Variants in ZNF723 observed in about 807,000 individuals in gnomAD.
ZNF723 encodes zinc finger protein 723.
A neutral mutation model predicts 9.4 loss-of-function variants in ZNF723; 5 were observed. The observed-to-expected ratio is 0.53, with a 90% confidence interval of 0.28 to 1.12. The LOEUF is 1.12. Ranked by LOEUF, ZNF723 falls within the 50% of genes most tolerant of loss-of-function variation. ZNF723 has a pLI of 0.10. For synonymous variants in ZNF723, 158 were observed against 168.8 expected (o/e 0.94, Z 0.49); for missense variants, 450 against 501.5 (o/e 0.90, Z 0.98).
rs763392716 is a variant in ZNF723 at position 22,857,338 on chromosome 19, A to C, written c.447A>C (p.Lys149Asn). ...TTPSKIFQCD[K>N]YVKVFHKFSS... The stretch of plus-strand genomic sequence containing the variant: ...CGAGCAAAATATTTCAATGTGATAA[A>C]TATGTAAAAGTCTTTCATAAATTTT... The change falls in exon 4 of 4, where the codon AAA becomes AAC. Residue 149 changes from lysine (K) to asparagine (N), a missense_variant. Around this residue, in one of 5 missense-constraint regions of ZNF723, gnomAD observed 143 missense variants for 101.3 expected, o/e 1.41. Transcript: ENST00000600766. The C allele has an allele frequency of 8.8e-5, 72 of 822,304 alleles. No homozygotes were observed. Among genetic ancestry groups the C allele is most frequent in the Non-Finnish European group, 1.4e-4 (63 of 460,962 alleles). The allele number at this position is 822,304 out of a possible 1,614,324, so 50.9% of individuals were successfully genotyped here.
At chr19:22,835,949 G>A (rs1220748869) in intron 1 of ZNF723, among the ~76,000 whole-genome samples, 2 of 152,066 alleles carry the variant, frequency 1.3e-5, no homozygotes, top group African/African-American at 4.8e-5. Flanking sequence ...TAGATACTTT[G>A]GGTTTTCTTG....
Position 22,858,208 on chromosome 19 carries a change from C to G in ZNF723, c.1317C>G (p.Thr439=). Residue 439 remains threonine (T), a synonymous_variant, in exon 4 of 4, where the codon ACC becomes ACG. Transcript: ENST00000600766. The part of the protein sequence containing the change: ...QCGKGFSQSS[T]LTKHKIIHTK... ...GTAAAGGTTTTAGCCAATCCTCAAC[C>G]CTTACTAAACATAAGATAATTCATA... The G allele has an allele frequency of 7.3e-7, 1 of 1,373,102 alleles. No homozygotes were observed. The highest frequency in any genetic ancestry group is 1.0e-6 in the Non-Finnish European group (1 of 963,800). The allele number at this position is 1,373,102 out of a possible 1,614,324, so 85.1% of individuals were successfully genotyped here. A position where few individuals can be genotyped will look rare whatever the true frequency, so the allele number is the denominator to read the frequency against.
chr19:22,846,327 T>C (rs768968559), intron 1 of ZNF723, among the ~76,000 whole-genome samples: 43 of 152,134 alleles, frequency 2.8e-4, no homozygotes, highest in Non-Finnish European at 5.9e-4. Context: ...AAATGCTTAC[T>C]TAAACAAGAT....
At chr19:22,823,634 T>C in the ZNF723 span, among the ~76,000 whole-genome samples, 1 of 152,238 alleles carries the variant, frequency 6.6e-6, no homozygotes, top group Non-Finnish European at 1.5e-5. Flanking sequence ...GATTGTGGCA[T>C]ATGTCTTTGC....
intron 3 of ZNF723, among the ~76,000 whole-genome samples, chr19:22,855,632 T>TA (rs1474723929): frequency 1.3e-5 from 2 of 152,178 alleles, no homozygotes; most frequent in African/African-American, 4.8e-5. Flanking sequence ...AGAATTTGAT[T>TA]ACTTTGGAAG....
the ZNF723 span, among the ~76,000 whole-genome samples, chr19:22,819,232 A>T: frequency 6.6e-6 from 1 of 152,160 alleles, no homozygotes; most frequent in Non-Finnish European, 1.5e-5. Context: ...AGGCAATGTG[A>T]CTTATCTCTG....
rs946844150 is a variant in ZNF723, at chr19:22,857,329, A to G, written c.438A>G (p.Gln146=). ...CAACTACCCCGAGCAAAATATTTCA[A>G]TGTGATAAATATGTAAAAGTCTTTC... ...CLTTTPSKIF[Q]CDKYVKVFHK... The change falls in exon 4 of 4, where the codon CAA becomes CAG. Residue 146 remains glutamine (Q), a synonymous_variant. Transcript: ENST00000600766. 6.1e-6 allele frequency: 5 copies of G among 820,784 alleles called. No homozygotes were observed. Among genetic ancestry groups the G allele is most frequent in the Middle Eastern group, 4.5e-4 (2 of 4,482 alleles). The allele number at this position is 820,784 out of a possible 1,614,324, so 50.8% of individuals were successfully genotyped here.
intron 1 of ZNF723, among the ~76,000 whole-genome samples, chr19:22,847,818 C>T (rs902056361): frequency 6.6e-6 from 1 of 151,652 alleles, no homozygotes; most frequent in Non-Finnish European, 1.5e-5. Context: ...AAATTATTTT[C>T]GGCCAGGCGT....
Position 22,858,400 on chromosome 19 carries a change from T to A in ZNF723, c.1509T>A (p.His503Gln). The A allele has an allele frequency of 1.3e-6, 1 of 761,130 alleles. No individual in the cohort carries two copies. Among genetic ancestry groups the A allele is most frequent in the Non-Finnish European group, 2.2e-6 (1 of 459,814 alleles). 47.1% of individuals were successfully genotyped at this position (761,130 alleles called of 1,614,324 possible). Residue 503 changes from histidine (H) to glutamine (Q), a missense_variant, in exon 4 of 4, where the codon CAT (histidine) becomes CAA (glutamine). Transcript: ENST00000600766. ...TTCTTAACAGACATAAGATAATTCATACTAAAGAGAAATCACAAACCTTAA... is the reference window on the plus strand; with the variant it reads ...TTCTTAACAGACATAAGATAATTCAAACTAAAGAGAAATCACAAACCTTAA... Reference protein sequence around the residue: ...SSILNRHKIIHTKEKSQTLKM With the variant: ...SSILNRHKIIQTKEKSQTLKM
intron 3 of ZNF723, among the ~76,000 whole-genome samples, chr19:22,855,171 T>C (rs1013061486): frequency 4.6e-5 from 7 of 152,126 alleles, no homozygotes; most frequent in African/African-American, 1.7e-4. Flanking sequence ...TTCATTTTTA[T>C]GTAAGTATGT....
chr19:22,824,512 T>C, the ZNF723 span, among the ~76,000 whole-genome samples: 1 of 152,074 alleles, frequency 6.6e-6, no homozygotes, highest in African/African-American at 2.4e-5. Flanking sequence ...GGAGAAATAT[T>C]GATTCTGTCT....
chr19:22,835,672 T>C (rs1452735173), intron 1 of ZNF723, among the ~76,000 whole-genome samples: 1 of 152,212 alleles, frequency 6.6e-6, no homozygotes, highest in Non-Finnish European at 1.5e-5. Flanking sequence ...TTATTTTGGC[T>C]GTAGAAAATA....
upstream of ZNF723, among the ~76,000 whole-genome samples, chr19:22,829,810 T>C (rs1450654292): frequency 1.3e-5 from 2 of 152,206 alleles, no homozygotes; most frequent in Non-Finnish European, 2.9e-5. Flanking sequence ...CCACATTGTA[T>C]TGGCAAATAT....
the ZNF723 span, among the ~76,000 whole-genome samples, chr19:22,821,002 G>A: frequency 6.6e-5 from 10 of 152,298 alleles, no homozygotes; most frequent in South Asian, 2.1e-3. Context: ...TTGTCCATAG[G>A]TAGAATGGTA....
chr19:22,821,637 G>A, the ZNF723 span, among the ~76,000 whole-genome samples: 1 of 152,164 alleles, frequency 6.6e-6, no homozygotes, highest in Non-Finnish European at 1.5e-5. Flanking sequence ...TCTCTTGCCT[G>A]CTCCATTCAC....
chr19:22,838,262 G>A (rs1174823104), intron 1 of ZNF723, among the ~76,000 whole-genome samples: 1 of 152,032 alleles, frequency 6.6e-6, no homozygotes, highest in Non-Finnish European at 1.5e-5. Context: ...ACTTAGAAAT[G>A]AGAACATGGA....
At chr19:22,834,469 G>T (rs561134734) in intron 1 of ZNF723, among the ~76,000 whole-genome samples, 1 of 151,292 alleles carries the variant, frequency 6.6e-6, no homozygotes, top group South Asian at 2.1e-4. Context: ...TTTTGTGTCC[G>T]CAGTCACCAT....
At chr19:22,812,555 G>C in the ZNF723 span, among the ~76,000 whole-genome samples, 2 of 152,138 alleles carry the variant, frequency 1.3e-5, no homozygotes, top group Non-Finnish European at 2.9e-5. Flanking sequence ...ATACCATCAT[G>C]AAGGTCATAG....
At chr19:22,819,516 C>G in the ZNF723 span, among the ~76,000 whole-genome samples, 1 of 152,106 alleles carries the variant, frequency 6.6e-6, no homozygotes, top group Non-Finnish European at 1.5e-5. Flanking sequence ...TTTGACAGGA[C>G]TGTGATATGT....
Sources: gnomAD v4.1 joint callset for allele counts (sites outside exome capture counted in the v4.1 genomes callset) on GRCh38, gnomAD v4.1.1 for gene constraint, gnomAD v4.1.1 regional missense constraint, MANE v1.5 for transcripts, NCBI Gene and HGNC (gene_info 2026-07-23, HGNC 2026-07-21) for gene names.